Variants in MYO18A observed in about 807,000 individuals in gnomAD.
MYO18A encodes myosin XVIIIA.
A neutral mutation model predicts 235.8 loss-of-function variants in MYO18A; 78 were observed. That is an observed-to-expected ratio of 0.33 (90% CI 0.28 to 0.40). The LOEUF is 0.40. Ranked by LOEUF, MYO18A falls within the 10% of genes least tolerant of loss-of-function variation. The pLI, the probability that MYO18A is intolerant of heterozygous loss-of-function variation, is 1.00. For synonymous variants in MYO18A, 977 were observed against 1,077.8 expected (o/e 0.91, Z 1.83); for missense variants, 2,215 against 2,699.3 (o/e 0.82, Z 3.98).
intron 41 of MYO18A, among the ~76,000 whole-genome samples, chr17:29,079,113 C>T (rs146261566): frequency 3.9e-5 from 6 of 152,310 alleles, no homozygotes; most frequent in Admixed American, 1.3e-4. Context: ...TAGCTTAGGG[C>T]CACTGATGTG....
At chr17:29,087,153 C>A in intron 37 of MYO18A, 32 bp from the exon 38 acceptor site, 2 of 1,590,590 alleles carry the variant, frequency 1.3e-6, no homozygotes, top group South Asian at 1.1e-5. Context: ...AAAGACACAG[C>A]AGGCAGGCCC....
At position 29,109,757 on chromosome 17, in the gene MYO18A, A is replaced by C. The variant is rs1224431811; in HGVS notation, c.3331+101T>G. 7.1e-6 allele frequency: 10 copies of C among 1,402,336 alleles called. No homozygotes were observed. Among genetic ancestry groups the C allele is most frequent in the Non-Finnish European group, 9.7e-6 (10 of 1,030,316 alleles). The allele number at this position is 1,402,336 out of a possible 1,614,324, so 86.9% of individuals were successfully genotyped here. Reference sequence around the variant, plus strand: ...AGAAAGGATCGTGAGGAAAGACAGGAGCAGCCCCACTGCAGCCCACGGGTC... The same window carrying C: ...AGAAAGGATCGTGAGGAAAGACAGGCGCAGCCCCACTGCAGCCCACGGGTC... On this transcript the variant is annotated intron_variant, in intron 19 of 41. Coordinates refer to ENST00000527372, the MANE Select transcript of MYO18A (RefSeq NM_078471.4). The surrounding 1 kb of genome is among the most constrained non-coding windows in gnomAD (Gnocchi z 4.1).
chr17:29,080,889 C>G, intron 41 of MYO18A: 1 of 985,468 alleles, frequency 1.0e-6, no homozygotes, highest in Non-Finnish European at 1.2e-6. Context: ...AGAGCGAATC[C>G]GCGTCCCCGG....
In MYO18A at chr17:29,106,329, T is replaced by A. The variant is rs2066783868; in HGVS notation, c.3441+751A>T. On this transcript the variant is annotated intron_variant, in intron 20 of 41. Coordinates refer to ENST00000527372, the MANE Select transcript of MYO18A (RefSeq NM_078471.4). The surrounding 1 kb of genome is among the most constrained non-coding windows in gnomAD (Gnocchi z 4.6). ...TGGAGGGAAGTTCTTCCGAGCCCCC[T>A]CCATGAATTCAGGTCTTTAAGGCAG... Among the ~76,000 whole-genome samples the A allele has an allele frequency of 6.6e-6, 1 of 152,186 alleles. No individual in the cohort carries two copies. Among genetic ancestry groups the A allele is most frequent in the Non-Finnish European group, 1.5e-5 (1 of 68,000 alleles).
chr17:29,093,314 TC>T lies in MYO18A; in HGVS notation c.4926+8del. On this transcript the variant is annotated splice_region_variant and intron_variant, in intron 32 of 41. Transcript: ENST00000527372. ...CCGGCCAGGCTTGGTGGGTGGAGCA[TC>T]CCCTGACCTGGTCGCTGAGGGTGGC... is the stretch of plus-strand genomic sequence containing the variant. 6.2e-7 allele frequency: 1 copy of T among 1,606,050 alleles called. No homozygotes were observed.
At chr17:29,099,418 A>C (rs930419864) in intron 22 of MYO18A, among the ~76,000 whole-genome samples, 2 of 152,024 alleles carry the variant, frequency 1.3e-5, no homozygotes, top group African/African-American at 4.8e-5. Flanking sequence ...CTGGGCCCTG[A>C]TTCCCCTACC....
intron 40 of MYO18A, among the ~76,000 whole-genome samples, chr17:29,084,780 G>A (rs1409133501): frequency 6.6e-6 from 1 of 151,660 alleles, no homozygotes; most frequent in African/African-American, 2.4e-5. Flanking sequence ...GAGAGTGGGG[G>A]AAGAAACCCA....
At position 29,121,521 on chromosome 17, in the gene MYO18A, G is replaced by C. The variant is rs79106175; in HGVS notation, c.1371+26C>G. 6.6e-4 allele frequency: 1,039 copies of C among 1,576,736 alleles called. 6 individuals carry two copies. The African/African-American group carries it at 0.013, about 19-fold the overall frequency. ...GGGCAGGGGGTGGGACCAGGAGTCT[G>C]CAGGGTAGCCTTGAGGGTGCTGCAC... On this transcript the variant is annotated intron_variant, in intron 5 of 41. Transcript: ENST00000527372. This position sits in a 1 kb window ranked among gnomAD's most constrained non-coding sequence, Gnocchi z 4.2.
At chr17:29,092,629 T>C (rs2066424864) in intron 33 of MYO18A, among the ~76,000 whole-genome samples, 173 bp from the exon 34 acceptor site, 1 of 152,118 alleles carries the variant, frequency 6.6e-6, no homozygotes, top group South Asian at 2.1e-4. Context: ...TCCCGTGACA[T>C]GGCTGGTGGG....
intron 41 of MYO18A, among the ~76,000 whole-genome samples, chr17:29,079,201 T>C (rs1446335982): frequency 1.5e-4 from 23 of 152,202 alleles, no homozygotes; most frequent in Admixed American, 1.5e-3. Context: ...AGCTCCTGAA[T>C]GGGTGCTGCT....
chr17:29,126,342 G>A lies in MYO18A; in HGVS notation c.1000-4089C>T, dbSNP rs1258846572. On this transcript the variant is annotated intron_variant, in intron 2 of 41. Coordinates refer to ENST00000527372, the MANE Select transcript of MYO18A (RefSeq NM_078471.4). This position sits in a 1 kb window ranked among gnomAD's most constrained non-coding sequence, Gnocchi z 4.1. The stretch of plus-strand genomic sequence containing the variant: ...GAGGGACGGGGAGGAGGGAGGGGAG[G>A]GCAGCCGCCCGGGAACAGGACCACG... Among the ~76,000 whole-genome samples the A allele has an allele frequency of 6.6e-6, 1 of 151,850 alleles. No homozygotes were observed. The highest frequency in any genetic ancestry group is 6.6e-5 in the Admixed American group (1 of 15,236).
chr17:29,115,223 G>A, intron 13 of MYO18A, 124 bp from the exon 14 acceptor site: 1 of 1,424,774 alleles, frequency 7.0e-7, no homozygotes, highest in Non-Finnish European at 9.6e-7. Flanking sequence ...TGCTGGCCTT[G>A]CTCATAGCCC....
chr17:29,167,277 C>T (rs1297230089), intron 1 of MYO18A, among the ~76,000 whole-genome samples: 4 of 152,116 alleles, frequency 2.6e-5, no homozygotes, highest in African/African-American at 9.7e-5. Context: ...TCCAAAAAGG[C>T]GGTAAAAGCC....
At chr17:29,130,340 CAAT>C (rs1443747911) in intron 2 of MYO18A, among the ~76,000 whole-genome samples, 1 of 142,232 alleles carries the variant, frequency 7.0e-6, no homozygotes, top group African/African-American at 2.6e-5. Context: ...AAAATGATGA[CAAT>C]GATGATGATA....
chr17:29,147,053 G>A (rs2067862849), intron 2 of MYO18A, among the ~76,000 whole-genome samples: 1 of 152,186 alleles, frequency 6.6e-6, no homozygotes, highest in African/African-American at 2.4e-5. Context: ...GTTTACAGAG[G>A]TTAAATAATT....
In MYO18A at chr17:29,120,544, G is replaced by A. The variant is rs1028511341; in HGVS notation, c.1728+72C>T. On this transcript the variant is annotated intron_variant, in intron 7 of 41. Coordinates refer to ENST00000527372, the MANE Select transcript of MYO18A (RefSeq NM_078471.4). This position sits in a 1 kb window ranked among gnomAD's most constrained non-coding sequence, Gnocchi z 4.2. ...TCCCAGGAAAATGAGGCATGGGAGAGAGCCTGATGTCTAGGTCATGAAATC... is the reference window on the plus strand; with the variant it reads ...TCCCAGGAAAATGAGGCATGGGAGAAAGCCTGATGTCTAGGTCATGAAATC... 26 of 1,534,868 alleles carry A rather than the reference G, an allele frequency of 1.7e-5. No homozygotes were observed. The Middle Eastern group carries it at 5.2e-4, about 31-fold the overall frequency.
At chr17:29,133,964 G>C in intron 2 of MYO18A, 1 of 723,888 alleles carries the variant, frequency 1.4e-6, no homozygotes, top group African/African-American at 1.9e-5. Flanking sequence ...GGGAAAGGAG[G>C]GATGGAGTGG....
intron 37 of MYO18A, 25 bp downstream of exon 37, chr17:29,089,936 T>C (rs763501270): frequency 6.2e-7 from 1 of 1,613,788 alleles, no homozygotes; most frequent in Non-Finnish European, 8.5e-7. Context: ...CTGTTTGGTG[T>C]GGCCCGGGAG....
chr17:29,114,903 C>A lies in MYO18A; in HGVS notation c.2511+4G>T. 6.2e-7 allele frequency: 1 copy of A among 1,611,370 alleles called. No individual in the cohort carries two copies. Among genetic ancestry groups the A allele is most frequent in the Non-Finnish European group, 8.5e-7 (1 of 1,178,324 alleles). ...GCTAGATGAGGCCCAGGCCCCAGAG[C>A]TACCTCCTTGTATCTTTCCAACTCC... On this transcript the variant is annotated splice_donor_region_variant and intron_variant, in intron 14 of 41. Coordinates refer to ENST00000527372, the MANE Select transcript of MYO18A (RefSeq NM_078471.4).
Sources: allele counts gnomAD v4.1 joint callset (sites outside exome capture counted in the v4.1 genomes callset), GRCh38; gene constraint gnomAD v4.1.1; non-coding constraint Gnocchi (gnomAD v3.1); transcripts MANE v1.5; gene names NCBI Gene and HGNC (gene_info 2026-07-23, HGNC 2026-07-21).